GPBP1: variants seen among roughly 807,000 people sequenced by gnomAD.
GPBP1 encodes the protein vasculin.
A neutral mutation model predicts 56.5 loss-of-function variants in GPBP1; 13 were observed. That is an observed-to-expected ratio of 0.23 (90% CI 0.15 to 0.37). GPBP1 has a LOEUF of 0.37. Ranked by LOEUF, GPBP1 falls within the 10% of genes least tolerant of loss-of-function variation. GPBP1 has a pLI of 1.00. For missense variants in GPBP1, 477 were observed against 572.3 expected, an observed-to-expected ratio of 0.83 and a Z score of 1.70; for synonymous variants, 204 against 188.9, an observed-to-expected ratio of 1.08 and a Z score of -0.66.
chr5:57,235,997 C>T lies in GPBP1; in HGVS notation c.443C>T (p.Pro148Leu). ...PSLNPEYERE[P>L]NHNKSLAAGV... ...TTAAATCCTGAGTATGAGAGAGAAC[C>T]AAATCACAATAAGTCTTTAGCTGCA... The change falls in exon 6 of 12, where the codon CCA (proline) becomes CTA (leucine). Residue 148 changes from proline (P) to leucine (L), a missense_variant. By Grantham distance (98) the Pro-to-Leu change is moderately conservative. Coordinates refer to ENST00000506184, the MANE Select transcript of GPBP1 (RefSeq NM_022913.4). The T allele has an allele frequency of 1.2e-6, 2 of 1,611,754 alleles. No homozygotes were observed. The highest frequency in any genetic ancestry group is 1.3e-5 in the African/African-American group (1 of 74,978).
chr5:57,219,121 A>AT (rs1190216243), intron 3 of GPBP1, among the ~76,000 whole-genome samples: 1 of 152,052 alleles, frequency 6.6e-6, no homozygotes, highest in Admixed American at 6.6e-5. Flanking sequence ...CACGTCTGTA[A>AT]TCCCAGCACT....
chr5:57,205,770 T>C (rs1201281938), intron 2 of GPBP1, among the ~76,000 whole-genome samples: 1 of 152,010 alleles, frequency 6.6e-6, no homozygotes, highest in Non-Finnish European at 1.5e-5. Flanking sequence ...TTATTTTATT[T>C]ATATATTTTT....
chr5:57,183,620 G>A (rs1246885454), intron 2 of GPBP1, among the ~76,000 whole-genome samples: 1 of 152,032 alleles, frequency 6.6e-6, no homozygotes, highest in Non-Finnish European at 1.5e-5. Flanking sequence ...TGTAGCCTAT[G>A]CACCAAACAA....
chr5:57,247,842 C>T (rs1467917451), intron 8 of GPBP1, among the ~76,000 whole-genome samples: 1 of 152,094 alleles, frequency 6.6e-6, no homozygotes, highest in Non-Finnish European at 1.5e-5. Flanking sequence ...CTCCTGGGCT[C>T]AAGCAGTCCT....
intron 2 of GPBP1, among the ~76,000 whole-genome samples, chr5:57,213,369 C>A (rs1755574385): frequency 1.3e-5 from 2 of 152,088 alleles, no homozygotes; most frequent in African/African-American, 4.8e-5. Flanking sequence ...CCTTCTAAAA[C>A]ATCATAACCA....
intron 6 of GPBP1, among the ~76,000 whole-genome samples, chr5:57,244,752 G>A (rs867008202): frequency 6.6e-5 from 1 of 15,170 alleles, no homozygotes; most frequent in East Asian, 2.2e-3. Flanking sequence ...TTTTTTTTTT[G>A]AGATGGAGTC....
intron 2 of GPBP1, among the ~76,000 whole-genome samples, chr5:57,206,737 T>C (rs930743625): frequency 5.3e-5 from 8 of 152,210 alleles, no homozygotes; most frequent in African/African-American, 1.9e-4. Context: ...TCCAGTCTGT[T>C]TTTTTGAAAA....
At chr5:57,202,389 A>G (rs1268508448) in intron 2 of GPBP1, among the ~76,000 whole-genome samples, 1 of 151,998 alleles carries the variant, frequency 6.6e-6, no homozygotes. Context: ...CCCAGGTTGA[A>G]GTGATTCACC....
intron 5 of GPBP1, among the ~76,000 whole-genome samples, chr5:57,235,249 G>A (rs1310144993): frequency 6.6e-6 from 1 of 152,048 alleles, no homozygotes; most frequent in African/African-American, 2.4e-5. Context: ...GGAGGTTCCA[G>A]TGAGCTGAGA....
At chr5:57,253,851 T>G (rs1199106934) in intron 10 of GPBP1, among the ~76,000 whole-genome samples, 1 of 152,246 alleles carries the variant, frequency 6.6e-6, no homozygotes, top group East Asian at 1.9e-4. Context: ...CAAAAACTCC[T>G]GGACTCAAGT....
chr5:57,237,318 C>T (rs746513638), intron 6 of GPBP1: 102 of 663,380 alleles, frequency 1.5e-4, no homozygotes, highest in Non-Finnish European at 2.5e-4. Flanking sequence ...TCAAGAATGC[C>T]AGTGAGCGTT....
intron 3 of GPBP1, among the ~76,000 whole-genome samples, chr5:57,222,617 A>C (rs1439907652): frequency 6.6e-6 from 1 of 151,996 alleles, no homozygotes; most frequent in Non-Finnish European, 1.5e-5. Context: ...ACTTTTGTTG[A>C]GTGGATCTAT....
intron 3 of GPBP1, among the ~76,000 whole-genome samples, chr5:57,225,927 A>G (rs2111826880): frequency 1.3e-5 from 2 of 152,366 alleles, no homozygotes; most frequent in Admixed American, 1.3e-4. Context: ...CGTTATGATT[A>G]ATAACAATTC....
intron 6 of GPBP1, among the ~76,000 whole-genome samples, chr5:57,236,518 G>T (rs1291302888): frequency 2.6e-5 from 4 of 151,988 alleles, no homozygotes; most frequent in Admixed American, 1.3e-4. Context: ...TTTGCTTGTG[G>T]AGCTAGTCTA....
rs1481565991 is a variant in GPBP1 at position 57,251,016 on chromosome 5, A to G, written c.1035A>G (p.Arg345=). Reference sequence around the variant, plus strand: ...CTCACCAAGAAAGGGATATAAACCGAAACTTCGATGAAAATGAAATTCCTC... The same window carrying G: ...CTCACCAAGAAAGGGATATAAACCGGAACTTCGATGAAAATGAAATTCCTC... ...NSTHQERDIN[R]NFDENEIPQE... Residue 345 remains arginine, a synonymous_variant, in exon 10 of 12, where the codon CGA becomes CGG. Transcript: ENST00000506184. 1 of 1,613,318 alleles carries G rather than the reference A, an allele frequency of 6.2e-7. No homozygotes were observed. Among genetic ancestry groups the G allele is most frequent in the Admixed American group, 1.7e-5 (1 of 59,986 alleles).
chr5:57,184,164 G>A (rs1051496227), intron 2 of GPBP1, among the ~76,000 whole-genome samples: 1 of 152,026 alleles, frequency 6.6e-6, no homozygotes, highest in Admixed American at 6.6e-5. Context: ...CCTGGGAGAT[G>A]GAGGTTGCAG....
chr5:57,236,147 A>G (rs745585723), intron 6 of GPBP1, 115 bp downstream of exon 6: 74 of 679,820 alleles, frequency 1.1e-4, no homozygotes, highest in Non-Finnish European at 1.6e-4. Context: ...TTTTTAAAGT[A>G]TTTGTATTTG....
At chr5:57,247,753 G>T (rs1468672966) in intron 8 of GPBP1, among the ~76,000 whole-genome samples, 2 of 151,976 alleles carry the variant, frequency 1.3e-5, no homozygotes, top group Non-Finnish European at 2.9e-5. Context: ...TAATTTTTTG[G>T]GGGGTGGTAG....
intron 10 of GPBP1, among the ~76,000 whole-genome samples, chr5:57,254,657 T>A (rs924011104): frequency 6.7e-6 from 1 of 150,100 alleles, no homozygotes; most frequent in African/African-American, 2.5e-5. Flanking sequence ...ATCGTGCCAT[T>A]GCACTCCAGC....
Sources: allele counts gnomAD v4.1 joint callset (sites outside exome capture counted in the v4.1 genomes callset), GRCh38; gene constraint gnomAD v4.1.1; transcripts MANE v1.5; gene names NCBI Gene and HGNC (gene_info 2026-07-23, HGNC 2026-07-21).